Variants in FLT4 observed in about 807,000 individuals in gnomAD.
FLT4 encodes fms related receptor tyrosine kinase 4, also known as vascular endothelial growth factor receptor 3.
FLT4 carries 30 observed loss-of-function variants against 163.2 expected under a neutral mutation model. That is an observed-to-expected ratio of 0.18 (90% CI 0.14 to 0.25). The LOEUF is 0.25. Ranked by LOEUF, FLT4 falls within the 10% of genes least tolerant of loss-of-function variation. The probability of loss-of-function intolerance (pLI) is 1.00; values close to 1 mark genes in which losing one functional copy is unlikely to be tolerated. For synonymous variants in FLT4, 884 were observed against 789.5 expected (o/e 1.12, Z -2.01); for missense variants, 1,510 against 1,863.8 (o/e 0.81, Z 3.50).
chr5:180,612,538 G>A lies in FLT4; in HGVS notation c.3505C>T (p.Leu1169=). 1 of 1,613,940 alleles carries A rather than the reference G, an allele frequency of 6.2e-7. No homozygotes were observed. The highest frequency in any genetic ancestry group is 8.5e-7 in the Non-Finnish European group (1 of 1,179,856). The change falls in exon 26 of 30, where the codon CTG becomes TTG. Residue 1169 remains leucine (L), a synonymous_variant. Transcript: ENST00000261937. ...RPAFSELVEI[L]GDLLQGRGLQ... Reference sequence around the variant, plus strand: ...CCCCTGCCCTGGAGCAGGTCCCCCAGGATCTCCACCAGCTCCGAGAATGCA... The same window carrying A: ...CCCCTGCCCTGGAGCAGGTCCCCCAAGATCTCCACCAGCTCCGAGAATGCA...
In FLT4 at chr5:180,602,796, C is replaced by CTTG; in HGVS notation, c.*395_*396insCAA. The stretch of plus-strand genomic sequence containing the variant: ...CTCTGCTCTCGTATGCCTTAACCTC[C>CTTG]AACACTGTGTGACTCCCAGACCCAC... On this transcript the variant is annotated 3_prime_UTR_variant, in exon 30 of 30. Transcript: ENST00000261937. 1 of 542,244 alleles carries CTTG rather than the reference C, an allele frequency of 1.8e-6. No homozygotes were observed. The highest frequency in any genetic ancestry group is 4.8e-4 in the Middle Eastern group (1 of 2,102). The allele number at this position is 542,244 out of a possible 1,614,324, so 33.6% of individuals were successfully genotyped here.
chr5:180,616,496 T>G lies in FLT4; in HGVS notation c.3097-7A>C. 6.2e-7 allele frequency: 1 copy of G among 1,613,450 alleles called. No homozygotes were observed. The highest frequency in any genetic ancestry group is 8.5e-7 in the Non-Finnish European group (1 of 1,179,922). ...CCAGGTCTCTGTGGATGCACTGGGG[T>G]GCGGGGAGGCGGCAGGGGGGCTGTC... is the stretch of plus-strand genomic sequence containing the variant. On this transcript the variant is annotated splice_polypyrimidine_tract_variant and splice_region_variant and intron_variant, in intron 22 of 29. Transcript: ENST00000261937.
chr5:180,606,408 C>T (rs1241252501), intron 29 of FLT4, among the ~76,000 whole-genome samples: 1 of 152,198 alleles, frequency 6.6e-6, no homozygotes. Flanking sequence ...GCCACATCCC[C>T]AAGGACCTCG....
At chr5:180,631,077 T>G (rs1256754307) in intron 2 of FLT4, among the ~76,000 whole-genome samples, 1 of 151,944 alleles carries the variant, frequency 6.6e-6, no homozygotes, top group East Asian at 1.9e-4. Context: ...CAGTGGGTGC[T>G]CCCAGGGTGG....
At chr5:180,637,294 C>T (rs35061103) in intron 1 of FLT4, among the ~76,000 whole-genome samples, 125,591 of 149,018 alleles carry the variant, frequency 0.84, 53,653 homozygotes, top group East Asian at 0.98. Context: ...CGTGCCACTA[C>T]ACTCCAGCCT....
At position 180,630,022 on chromosome 5, in the gene FLT4, G is replaced by T. The variant is rs755861439; in HGVS notation, c.597C>A (p.His199Gln). The T allele has an allele frequency of 6.2e-7, 1 of 1,612,678 alleles. No individual in the cohort carries two copies. The highest frequency in any genetic ancestry group is 8.5e-7 in the Non-Finnish European group (1 of 1,180,010). ...RGMLVSTPLL[H>Q]DALYLQCETT... ...TCTCGCACTGCAGGTACAGGGCATC[G>T]TGCAGCAGTGGCGTGGACACGAGCA... The change falls in exon 5 of 30, where the codon CAC becomes CAA. Residue 199 changes from histidine (H) to glutamine (Q), a missense_variant. By Grantham distance (24) the His-to-Gln change is conservative. This residue lies in a region of FLT4 where 163 missense variants were observed against 281.1 expected (regional missense o/e 0.58). Coordinates refer to ENST00000261937, the MANE Select transcript of FLT4 (RefSeq NM_182925.5). This position sits in a 1 kb window ranked among gnomAD's most constrained non-coding sequence, Gnocchi z 6.3.
chr5:180,617,108 G>C, intron 21 of FLT4, 114 bp from the exon 22 acceptor site: 1 of 774,856 alleles, frequency 1.3e-6, no homozygotes, highest in Non-Finnish European at 2.2e-6. Context: ...CTCAGACTCT[G>C]GGACACCCAC....
Position 180,649,507 on chromosome 5 carries a change from G to A in FLT4, c.39C>T (p.Leu13=), listed in dbSNP as rs1284880813. The change falls in exon 1 of 30, where the codon CTC becomes CTT. Residue 13 remains leucine (L), a synonymous_variant. Transcript: ENST00000261937. The part of the protein sequence containing the change: ...RGAALCLRLW[L]CLGLLDGLVS... ...GCTCACCGTCCAGGAGTCCCAGGCA[G>A]AGCCACAGTCGCAGGCACAGCGCGG... The A allele has an allele frequency of 2.1e-6, 3 of 1,458,724 alleles. No individual in the cohort carries two copies. The highest frequency in any genetic ancestry group is 2.7e-6 in the Non-Finnish European group (3 of 1,108,112). The allele number at this position is 1,458,724 out of a possible 1,614,324, so 90.4% of individuals were successfully genotyped here. A position where few individuals can be genotyped will look rare whatever the true frequency, so the allele number is the denominator to read the frequency against.
At chr5:180,616,783 G>A in intron 22 of FLT4, 117 bp downstream of exon 22, 1 of 915,174 alleles carries the variant, frequency 1.1e-6, no homozygotes, top group South Asian at 1.3e-5. Context: ...CTGCAAAGTG[G>A]GAGAGACACT....
At chr5:180,647,962 T>C (rs546332028) in intron 1 of FLT4, among the ~76,000 whole-genome samples, 1 of 152,284 alleles carries the variant, frequency 6.6e-6, no homozygotes, top group Admixed American at 6.5e-5. Flanking sequence ...CCTGGATCCC[T>C]GGAAGCCCCC....
At chr5:180,628,654 C>T (rs1368791768) in intron 8 of FLT4, among the ~76,000 whole-genome samples, 2 of 152,216 alleles carry the variant, frequency 1.3e-5, no homozygotes, top group African/African-American at 4.8e-5. Context: ...TAACAGAAGG[C>T]TGGTACTGAA....
chr5:180,622,951 CTG>C (rs1283922426), intron 11 of FLT4, 112 bp from the exon 12 acceptor site: 1 of 760,374 alleles, frequency 1.3e-6, no homozygotes, highest in Non-Finnish European at 2.3e-6. Flanking sequence ...ATGGGGGAAA[CTG>C]AGGCTTTGGG....
At chr5:180,611,252 C>T (rs2127790755) in intron 27 of FLT4, 79 bp downstream of exon 27, 3 of 1,549,622 alleles carry the variant, frequency 1.9e-6, no homozygotes, top group South Asian at 2.2e-5. Context: ...TGCTTTTCCC[C>T]GATGACGCAG....
rs374248760 is a variant in FLT4 at position 180,630,303 on chromosome 5, C to T, written c.435G>A (p.Thr145=). The change falls in exon 4 of 30, where the codon ACG becomes ACA. Residue 145 remains threonine, a synonymous_variant. Transcript: ENST00000261937. This position sits in a 1 kb window ranked among gnomAD's most constrained non-coding sequence, Gnocchi z 6.3. The part of the protein sequence containing the change: ...FEQPFINKPD[T]LLVNRKDAMW... ...TGGCGTCCTTCCTGTTGACCAAGAG[C>T]GTGTCAGGCTTGTTGATGAATGGCT... 8.6e-5 allele frequency: 138 copies of T among 1,612,068 alleles called. No homozygotes were observed. The highest frequency in any genetic ancestry group is 3.6e-4 in the East Asian group (16 of 44,874).
chr5:180,632,245 G>A (rs566458973), intron 1 of FLT4, among the ~76,000 whole-genome samples: 18 of 151,776 alleles, frequency 1.2e-4, no homozygotes, highest in East Asian at 5.8e-4. Flanking sequence ...CGCAGGCCTC[G>A]CCCCCTCCTG....
chr5:180,624,019 G>T lies in FLT4; in HGVS notation c.1464C>A (p.Asp488Glu). ...CATCCTGCGTGGTCACCGCCCTCCA[G>T]TCACGGCACTGTGGCATGAGGTCTT... ...QQQDLMPQCR[D>E]WRAVTTQDAV... The change falls in exon 11 of 30, where the codon GAC (aspartate) becomes GAA (glutamate). Residue 488 changes from aspartate (D) to glutamate (E), a missense_variant. Physicochemically the swap from Asp to Glu is conservative, Grantham distance 45 (BLOSUM62 2). Transcript: ENST00000261937. 1.2e-6 allele frequency: 2 copies of T among 1,613,396 alleles called. No individual in the cohort carries two copies. Among genetic ancestry groups the T allele is most frequent in the Non-Finnish European group, 1.7e-6 (2 of 1,180,000 alleles).
chr5:180,611,592 C>CCTCGCCCCCGCACTCAGCT (rs1252838663), intron 26 of FLT4, 113 bp from the exon 27 acceptor site: 4 of 1,178,912 alleles, frequency 3.4e-6, no homozygotes, highest in South Asian at 1.4e-5. Flanking sequence ...CGCCCTCAGC[C>CCTCGCCCCCGCACTCAGCT]CTCGCCCCCG....
In FLT4 at chr5:180,611,453, C is replaced by A. The variant is rs199984494; in HGVS notation, c.3564G>T (p.Pro1188=). ...LQEEEEVCMA[P]RSSQSSEEGS... is the part of the protein sequence containing the mutation. ...CCTCTTCTGAGCTCTGAGAGCTGCGCGGGGCCATGCAGACCTCCTCTTCCT... is the reference window on the plus strand; with the variant it reads ...CCTCTTCTGAGCTCTGAGAGCTGCGAGGGGCCATGCAGACCTCCTCTTCCT... The change falls in exon 27 of 30, where the codon CCG becomes CCT. Residue 1188 remains proline (P), a synonymous_variant. Transcript: ENST00000261937. The A allele has an allele frequency of 5.6e-6, 9 of 1,613,844 alleles. 1 individual carries two copies. The South Asian group carries it at 7.7e-5, about 14-fold the overall frequency.
chr5:180,621,452 C>A, intron 13 of FLT4, 90 bp downstream of exon 13: 3 of 1,550,590 alleles, frequency 1.9e-6, no homozygotes, highest in East Asian at 2.3e-5. Flanking sequence ...TGTGAATAGA[C>A]CTCCCAGGGG....
Sources: gnomAD v4.1 joint callset for allele counts (sites outside exome capture counted in the v4.1 genomes callset) on GRCh38, gnomAD v4.1.1 for gene constraint, gnomAD v4.1.1 regional missense constraint, Gnocchi (gnomAD v3.1) non-coding constraint, MANE v1.5 for transcripts, NCBI Gene and HGNC (gene_info 2026-07-23, HGNC 2026-07-21) for gene names.